Variants in GNG7 observed in about 807,000 individuals in gnomAD.
GNG7 encodes the protein guanine nucleotide-binding protein G(I)/G(S)/G(O) subunit gamma-7.
A neutral mutation model predicts 4.0 loss-of-function variants in GNG7; 1 was observed. The ratio of observed to expected loss-of-function variants is 0.25; its 90% CI spans 0.09 to 1.18. The LOEUF (loss-of-function observed/expected upper bound fraction) is 1.18, where lower values mean the gene tolerates loss of function less well. Among genes scored for constraint, GNG7 ranks in the 50% most tolerant of loss-of-function variants. The pLI is 0.50. For missense variants in GNG7, 86 were observed against 91.9 expected (o/e 0.94, Z 0.26); for synonymous variants, 34 against 36.9 (o/e 0.92, Z 0.29).
intron 3 of GNG7, among the ~76,000 whole-genome samples, chr19:2,536,854 C>T (rs568716764): frequency 3.9e-5 from 6 of 152,238 alleles, no homozygotes; most frequent in South Asian, 2.1e-4. Context: ...CCTTGGGGTA[C>T]AGTCTGTGCT....
intron 3 of GNG7, among the ~76,000 whole-genome samples, chr19:2,544,975 T>C (rs545372633): frequency 6.6e-6 from 1 of 152,276 alleles, no homozygotes; most frequent in Non-Finnish European, 1.5e-5. Context: ...ACGGGATGGA[T>C]GGTGTGAACC....
At chr19:2,564,453 C>T (rs1382269415) in intron 2 of GNG7, among the ~76,000 whole-genome samples, 1 of 152,064 alleles carries the variant, frequency 6.6e-6, no homozygotes, top group Non-Finnish European at 1.5e-5. Context: ...TGGTGGCGTG[C>T]ACCTGTACCA....
Position 2,557,269 on chromosome 19 carries a change from GCA to G in GNG7, c.-77-2083_-77-2082del, listed in dbSNP as rs71832797. Among the ~76,000 whole-genome samples the G allele has an allele frequency of 0.055, 8,299 of 150,270 alleles. 768 individuals carry two copies. Among genetic ancestry groups the G allele is most frequent in the African/African-American group, 0.19 (7,825 of 40,720 alleles). ...TGCACACACACGTGCACACACATTTGCACACACAGACACGTGCACACACAGAG... is the reference window on the plus strand; with the variant it reads ...TGCACACACACGTGCACACACATTTGCACACAGACACGTGCACACACAGAG... On this transcript the variant is annotated intron_variant, in intron 2 of 4. Transcript: ENST00000382159. The surrounding 1 kb of genome is among the most constrained non-coding windows in gnomAD (Gnocchi z 5.1).
chr19:2,543,744 CA>C (rs1979036951), intron 3 of GNG7, among the ~76,000 whole-genome samples: 1 of 152,208 alleles, frequency 6.6e-6, no homozygotes, highest in Admixed American at 6.5e-5. Flanking sequence ...GGCAGCTCCA[CA>C]ATGAGGCGGC....
At chr19:2,624,548 A>G (rs1424852632) in intron 2 of GNG7, among the ~76,000 whole-genome samples, 2 of 150,140 alleles carry the variant, frequency 1.3e-5, no homozygotes, top group African/African-American at 4.9e-5. Flanking sequence ...AAAAAAAAAG[A>G]AAAAGAAAAA....
intron 1 of GNG7, among the ~76,000 whole-genome samples, chr19:2,667,237 G>A (rs1004617747): frequency 6.6e-6 from 1 of 151,886 alleles, no homozygotes; most frequent in African/African-American, 2.4e-5. Context: ...CGGCAGAATC[G>A]CTTGAACCCG....
intron 4 of GNG7, among the ~76,000 whole-genome samples, chr19:2,518,302 G>A (rs1332979306): frequency 6.6e-6 from 1 of 152,142 alleles, no homozygotes; most frequent in Non-Finnish European, 1.5e-5. Context: ...ATCAAACAGG[G>A]CAGGATGAGT....
intron 1 of GNG7, among the ~76,000 whole-genome samples, chr19:2,674,999 G>A (rs1983559235): frequency 1.3e-5 from 2 of 152,104 alleles, no homozygotes; most frequent in South Asian, 4.1e-4. Flanking sequence ...CTGTCATAAC[G>A]CCTCCCCCTC....
intron 2 of GNG7, among the ~76,000 whole-genome samples, chr19:2,566,398 C>T (rs1979910102): frequency 6.6e-6 from 1 of 152,120 alleles, no homozygotes; most frequent in African/African-American, 2.4e-5. Context: ...TACACCTTGG[C>T]CTTGGACTTC....
chr19:2,591,991 C>T (rs1479739174), intron 2 of GNG7, among the ~76,000 whole-genome samples: 3 of 152,202 alleles, frequency 2.0e-5, no homozygotes, highest in African/African-American at 7.2e-5. Flanking sequence ...GACAGGAGTT[C>T]AAGTTGCTAT....
chr19:2,693,892 G>A (rs945846796), intron 1 of GNG7, among the ~76,000 whole-genome samples: 6 of 152,010 alleles, frequency 3.9e-5, no homozygotes, highest in East Asian at 1.9e-4. Context: ...ATCAAATGCC[G>A]CCTCCTCTTG....
chr19:2,526,397 G>T (rs189551918), intron 3 of GNG7, among the ~76,000 whole-genome samples: 7 of 150,826 alleles, frequency 4.6e-5, no homozygotes, highest in Admixed American at 1.3e-4. Context: ...GAGCCACCGC[G>T]CCTGGTCTAC....
intron 3 of GNG7, among the ~76,000 whole-genome samples, chr19:2,551,155 T>G (rs1261721773): frequency 1.3e-5 from 2 of 152,182 alleles, no homozygotes; most frequent in African/African-American, 4.8e-5. Flanking sequence ...CCAGCACTTG[T>G]GTGTCCCAGA....
At chr19:2,619,957 G>C (rs1005856056) in intron 2 of GNG7, among the ~76,000 whole-genome samples, 11 of 150,784 alleles carry the variant, frequency 7.3e-5, no homozygotes, top group Non-Finnish European at 1.5e-4. Flanking sequence ...ATTTTGGGAG[G>C]ACGAGGGGGG....
rs935786065 is a variant in GNG7, at chr19:2,513,144, C to A, written c.*1878G>T. 1.0e-6 allele frequency: 1 copy of A among 985,122 alleles called. No individual in the cohort carries two copies. Among genetic ancestry groups the A allele is most frequent in the Non-Finnish European group, 1.2e-6 (1 of 829,642 alleles). The allele number at this position is 985,122 out of a possible 1,614,324, so 61.0% of individuals were successfully genotyped here. A position where few individuals can be genotyped will look rare whatever the true frequency, so the allele number is the denominator to read the frequency against. On this transcript the variant is annotated 3_prime_UTR_variant, in exon 5 of 5. Transcript: ENST00000382159. ...CTCCCCCGACACCTGCACACACACC[C>A]GGAGCCCTCTAGCCTTGGCGAGGTG...
intron 2 of GNG7, among the ~76,000 whole-genome samples, chr19:2,582,983 T>G (rs1292823772): frequency 6.6e-6 from 1 of 152,154 alleles, no homozygotes; most frequent in African/African-American, 2.4e-5. Flanking sequence ...TGTTAAATAT[T>G]TTTGTAGAGA....
At chr19:2,526,666 TTCA>T (rs1568232018) in intron 3 of GNG7, among the ~76,000 whole-genome samples, 1 of 149,716 alleles carries the variant, frequency 6.7e-6, no homozygotes, top group South Asian at 2.1e-4. Context: ...TTTATATTTA[TTCA>T]TCATTTACAT....
At chr19:2,694,661 C>A (rs1462837742) in intron 1 of GNG7, among the ~76,000 whole-genome samples, 1 of 152,180 alleles carries the variant, frequency 6.6e-6, no homozygotes, top group Non-Finnish European at 1.5e-5. Context: ...TCTCCCTCCC[C>A]ACTCAGGGTG....
chr19:2,568,288 CAT>C (rs370707341), intron 2 of GNG7, among the ~76,000 whole-genome samples: 17,011 of 107,484 alleles, frequency 0.16, 1,289 homozygotes, highest in Non-Finnish European at 0.22. Context: ...GACTTACACA[CAT>C]ATACACACGC....
Sources: allele counts gnomAD v4.1 joint callset (sites outside exome capture counted in the v4.1 genomes callset), GRCh38; gene constraint gnomAD v4.1.1; non-coding constraint Gnocchi (gnomAD v3.1); transcripts MANE v1.5; gene names NCBI Gene and HGNC (gene_info 2026-07-23, HGNC 2026-07-21).